Variants in ZSWIM5 observed in about 807,000 individuals in gnomAD.
ZSWIM5 encodes zinc finger SWIM-type containing 5.
A neutral mutation model predicts 119.6 loss-of-function variants in ZSWIM5; 55 were observed. That is an observed-to-expected ratio of 0.46 (90% CI 0.37 to 0.58). The LOEUF is 0.58. Among genes scored for constraint, ZSWIM5 ranks in the 20% least tolerant of loss-of-function variants. The pLI is 0.00. For synonymous variants in ZSWIM5, 537 were observed against 606.9 expected (o/e 0.88, Z 1.69); for missense variants, 1,193 against 1,512.8 (o/e 0.79, Z 3.51).
At chr1:45,191,591 C>T (rs1006878513) in intron 1 of ZSWIM5, among the ~76,000 whole-genome samples, 2 of 152,154 alleles carry the variant, frequency 1.3e-5, no homozygotes, top group Non-Finnish European at 2.9e-5. Context: ...TGCATCAATT[C>T]GACTTCTCTG....
intron 1 of ZSWIM5, among the ~76,000 whole-genome samples, chr1:45,148,350 G>A (rs1557780273): frequency 6.6e-6 from 1 of 152,112 alleles, no homozygotes; most frequent in Non-Finnish European, 1.5e-5. Flanking sequence ...GATCCCTCCA[G>A]ATGCACATTA....
At chr1:45,110,957 T>C (rs1055832846) in intron 1 of ZSWIM5, among the ~76,000 whole-genome samples, 2 of 152,216 alleles carry the variant, frequency 1.3e-5, no homozygotes, top group Non-Finnish European at 2.9e-5. Flanking sequence ...TACTCATTCA[T>C]CAAACATTTA....
At chr1:45,028,466 T>G (rs1644932918) in intron 11 of ZSWIM5, among the ~76,000 whole-genome samples, 1 of 152,148 alleles carries the variant, frequency 6.6e-6, no homozygotes, top group Non-Finnish European at 1.5e-5. Context: ...ACACACTTTT[T>G]CATCAAAAAT....
At chr1:45,045,700 T>A (rs1338233979) in intron 5 of ZSWIM5, among the ~76,000 whole-genome samples, 2 of 152,178 alleles carry the variant, frequency 1.3e-5, no homozygotes, top group Admixed American at 1.3e-4. Flanking sequence ...AATATATTTT[T>A]AAATTGATTA....
rs551546489 is a variant in ZSWIM5, at chr1:45,105,021, G to C, written c.596-16784C>G. On this transcript the variant is annotated intron_variant, in intron 1 of 13. Transcript: ENST00000359600. ...TGTATTTTAAAAGACTGAGATCTTC[G>C]GCTCGCCGCAACCTCCCTGCCTTGG... 2.6e-5 allele frequency among the ~76,000 whole-genome samples: 4 copies of C among 152,286 alleles called. No individual in the cohort carries two copies. In the South Asian group the frequency reaches 8.3e-4, roughly 32 times the overall value.
chr1:45,182,600 T>C (rs1646028447), intron 1 of ZSWIM5, among the ~76,000 whole-genome samples: 1 of 152,156 alleles, frequency 6.6e-6, no homozygotes, highest in Non-Finnish European at 1.5e-5. Flanking sequence ...GTTGCAATCC[T>C]AGTCTCGGAT....
chr1:45,019,383 A>G lies in ZSWIM5; in HGVS notation c.2696-67T>C. On this transcript the variant is annotated intron_variant, in intron 13 of 13. Coordinates refer to ENST00000359600, the MANE Select transcript of ZSWIM5 (RefSeq NM_020883.2). This position sits in a 1 kb window ranked among gnomAD's most constrained non-coding sequence, Gnocchi z 5.0. ...CTGATTCAGGTCTACCCAGATTACC[A>G]TTTGGGGTTTGAACTTGGCCTGCAG... 1 of 1,539,546 alleles carries G rather than the reference A, an allele frequency of 6.5e-7. No individual in the cohort carries two copies. The highest frequency in any genetic ancestry group is 8.7e-7 in the Non-Finnish European group (1 of 1,148,236).
intron 5 of ZSWIM5, among the ~76,000 whole-genome samples, chr1:45,050,593 CCTACCAATAAT>C: frequency 6.6e-6 from 1 of 152,056 alleles, no homozygotes; most frequent in East Asian, 1.9e-4. Context: ...GGGCAGGAAT[CCTACCAATAAT>C]ATGGGAGGAT....
At chr1:45,131,595 T>C (rs915153437) in intron 1 of ZSWIM5, among the ~76,000 whole-genome samples, 1 of 151,860 alleles carries the variant, frequency 6.6e-6, no homozygotes, top group African/African-American at 2.4e-5. Flanking sequence ...CACGGTGGTG[T>C]GTACCCATAG....
rs537747004 is a variant in ZSWIM5 at position 45,087,464 on chromosome 1, T to A, written c.952+417A>T. Among the ~76,000 whole-genome samples the A allele has an allele frequency of 1.2e-4, 18 of 152,338 alleles. No homozygotes were observed. The South Asian group carries it at 2.5e-3, about 21-fold the overall frequency. ...CAATGCTAACACATGCTCCTTAGGATAACTCTGATGCTAATGTAGGGTCCT... is the reference window on the plus strand; with the variant it reads ...CAATGCTAACACATGCTCCTTAGGAAAACTCTGATGCTAATGTAGGGTCCT... On this transcript the variant is annotated intron_variant, in intron 2 of 13. Transcript: ENST00000359600.
intron 4 of ZSWIM5, 66 bp downstream of exon 4, chr1:45,058,543 C>A: frequency 1.3e-6 from 2 of 1,594,316 alleles, no homozygotes; most frequent in South Asian, 1.1e-5. Flanking sequence ...GGCAAGGGCT[C>A]ATAAACACTG....
At chr1:45,146,533 CG>C (rs557850629) in intron 1 of ZSWIM5, among the ~76,000 whole-genome samples, 76 of 149,116 alleles carry the variant, frequency 5.1e-4, no homozygotes, top group African/African-American at 1.9e-3. Context: ...TCCGCTTCCC[CG>C]GTTCAAGCAA....
At chr1:45,052,231 G>A (rs1002199711) in intron 4 of ZSWIM5, among the ~76,000 whole-genome samples, 1 of 151,650 alleles carries the variant, frequency 6.6e-6, no homozygotes, top group African/African-American at 2.4e-5. Context: ...TCACCATGTC[G>A]GCTAGGTTTG....
intron 1 of ZSWIM5, among the ~76,000 whole-genome samples, chr1:45,178,820 G>C (rs1005000093): frequency 3.3e-5 from 5 of 151,972 alleles, no homozygotes; most frequent in Non-Finnish European, 7.4e-5. Context: ...TTCTATCAGT[G>C]TGGAAAACTA....
At chr1:45,095,345 T>G (rs1203535613) in intron 1 of ZSWIM5, among the ~76,000 whole-genome samples, 1 of 152,090 alleles carries the variant, frequency 6.6e-6, no homozygotes, top group Non-Finnish European at 1.5e-5. Flanking sequence ...AGGCTGGTCT[T>G]GAACTCCTGG....
chr1:45,045,061 TC>T (rs1645046091), intron 5 of ZSWIM5, among the ~76,000 whole-genome samples: 2 of 684 alleles, frequency 2.9e-3, no homozygotes, highest in Non-Finnish European at 8.3e-3. Flanking sequence ...CTCACTGGAG[TC>T]TTATCTTACC....
At chr1:45,126,233 A>G (rs565572344) in intron 1 of ZSWIM5, among the ~76,000 whole-genome samples, 4 of 151,884 alleles carry the variant, frequency 2.6e-5, no homozygotes, top group Admixed American at 6.6e-5. Context: ...AAAAAAATCA[A>G]TGAAACAAAA....
intron 1 of ZSWIM5, among the ~76,000 whole-genome samples, chr1:45,191,711 G>A (rs910200712): frequency 2.0e-5 from 3 of 152,170 alleles, no homozygotes; most frequent in Non-Finnish European, 4.4e-5. Context: ...GCTAGAAAGT[G>A]GCAGAACTGG....
intron 11 of ZSWIM5, among the ~76,000 whole-genome samples, chr1:45,027,276 T>A (rs1644926513): frequency 6.6e-6 from 1 of 152,090 alleles, no homozygotes; most frequent in Admixed American, 6.5e-5. Context: ...ATTGCTCTTC[T>A]TTCGCTATTT....
Sources: allele counts gnomAD v4.1 joint callset (sites outside exome capture counted in the v4.1 genomes callset), GRCh38; gene constraint gnomAD v4.1.1; non-coding constraint Gnocchi (gnomAD v3.1); transcripts MANE v1.5; gene names NCBI Gene and HGNC (gene_info 2026-07-23, HGNC 2026-07-21).